The following ZNF570 variants were observed in gnomAD, a reference collection of about 807,000 sequenced individuals.
ZNF570 encodes the protein zinc finger protein 570.
In ZNF570, 8 loss-of-function variants were observed where a neutral mutation model predicts 14.2. That is an observed-to-expected ratio of 0.56 (90% CI 0.33 to 1.02). The LOEUF is 1.02. ZNF570 is among the 50% of genes least tolerant of loss of function. The pLI, the probability that ZNF570 is intolerant of heterozygous loss-of-function variation, is 0.03. For missense variants in ZNF570, 559 were observed against 624.9 expected (o/e 0.89, Z 1.12); for synonymous variants, 202 against 207.6 (o/e 0.97, Z 0.23).
Position 37,487,171 on chromosome 19 carries a change from C to G in ZNF570, c.*1938C>G, listed in dbSNP as rs2042163618. On this transcript the variant is annotated 3_prime_UTR_variant, in exon 5 of 5. Transcript: ENST00000330173. ...GAGCTGAGATCGTGCTACTGCACCC[C>G]AGCCTGGGCAATACAGCAAGACTCC... The G allele has an allele frequency of 1.4e-5, 2 of 141,698 alleles. No homozygotes were observed. Among genetic ancestry groups the G allele is most frequent in the Non-Finnish European group, 3.0e-5 (2 of 66,332 alleles). The allele number at this position is 141,698 out of a possible 1,614,324, so 8.8% of individuals were successfully genotyped here.
chr19:37,469,218 C>T, upstream of ZNF570: 4 of 1,315,934 alleles, frequency 3.0e-6, no homozygotes, highest in South Asian at 3.5e-5. Context: ...GTTACAAACC[C>T]TGCGCGGAGC....
At chr19:37,468,269 A>G (rs2041885486), upstream of ZNF570, among the ~76,000 whole-genome samples, 1 of 151,728 alleles carries the variant, frequency 6.6e-6, no homozygotes, top group African/African-American at 2.4e-5. Context: ...TTTGTTTGTT[A>G]GTAGAGATAA....
rs1344113358 is a variant in ZNF570 at position 37,484,198 on chromosome 19, T to C, written c.576T>C (p.His192=). Residue 192 remains histidine (H), a synonymous_variant, in exon 5 of 5, where the codon CAT becomes CAC. Transcript: ENST00000330173. ...CCAAAGAGGAGAAAGTACATAAACA[T>C]GACACACAAAAGAGAAGCTTTAAAA... The part of the protein sequence containing the change: ...IIPKEEKVHK[H]DTQKRSFKKN... 6.2e-7 allele frequency: 1 copy of C among 1,613,850 alleles called. No individual in the cohort carries two copies. The highest frequency in any genetic ancestry group is 8.5e-7 in the Non-Finnish European group (1 of 1,180,000).
At position 37,487,736 on chromosome 19, in the gene ZNF570, T is replaced by G. The variant is rs1432755370; in HGVS notation, c.*2503T>G. On this transcript the variant is annotated 3_prime_UTR_variant, in exon 5 of 5. Transcript: ENST00000330173. Reference sequence around the variant, plus strand: ...GTTGTTTTTGTTTTTGTTTTGCCCTTTAGCTTCACAGGTTTGTTCTGAAAT... The same window carrying G: ...GTTGTTTTTGTTTTTGTTTTGCCCTGTAGCTTCACAGGTTTGTTCTGAAAT... 1 of 152,176 alleles carries G rather than the reference T, an allele frequency of 6.6e-6. No homozygotes were observed. The highest frequency in any genetic ancestry group is 1.5e-5 in the Non-Finnish European group (1 of 68,026). 9.4% of individuals were successfully genotyped at this position (152,176 alleles called of 1,614,324 possible).
chr19:37,480,066 A>G (rs1315037282), intron 4 of ZNF570, among the ~76,000 whole-genome samples: 2 of 152,070 alleles, frequency 1.3e-5, no homozygotes, highest in African/African-American at 2.4e-5. Flanking sequence ...GTTTTTCTCC[A>G]TCTCCTAATT....
chr19:37,476,533 A>C, intron 4 of ZNF570, 99 bp downstream of exon 4: 1 of 1,400,382 alleles, frequency 7.1e-7, no homozygotes, highest in Non-Finnish European at 9.4e-7. Context: ...AATTCTTCTC[A>C]AATGTTCTAG....
chr19:37,484,076 A>C lies in ZNF570; in HGVS notation c.454A>C (p.Thr152Pro). 1 of 1,614,110 alleles carries C rather than the reference A, an allele frequency of 6.2e-7. No homozygotes were observed. The highest frequency in any genetic ancestry group is 8.5e-7 in the Non-Finnish European group (1 of 1,180,006). The part of the protein sequence containing the change: ...QKACFKEEII[T>P]HEEPLFDERE... ...GGCGTGTTTCAAGGAAGAGATAATC[A>C]CTCATGAAGAACCCCTTTTTGATGA... The change falls in exon 5 of 5, where the codon ACT (threonine) becomes CCT (proline). Residue 152 changes from threonine to proline, a missense_variant. Physicochemically the swap from Thr to Pro is conservative, Grantham distance 38. Transcript: ENST00000330173.
At chr19:37,471,216 T>C (rs530313813) in intron 2 of ZNF570, among the ~76,000 whole-genome samples, 7 of 151,682 alleles carry the variant, frequency 4.6e-5, no homozygotes, top group Non-Finnish European at 8.8e-5. Flanking sequence ...GATTTCACCA[T>C]GTTAGCCAGG....
chr19:37,476,573 A>C, intron 4 of ZNF570, 139 bp downstream of exon 4: 1 of 1,222,206 alleles, frequency 8.2e-7, no homozygotes, highest in Non-Finnish European at 1.1e-6. Context: ...GCCATTTAGG[A>C]TGTTCTCCCA....
At position 37,484,828 on chromosome 19, in the gene ZNF570, T is replaced by C. The variant is rs1318528321; in HGVS notation, c.1206T>C (p.Ala402=). 2.5e-6 allele frequency: 4 copies of C among 1,613,826 alleles called. No homozygotes were observed. The highest frequency in any genetic ancestry group is 3.4e-6 in the Non-Finnish European group (4 of 1,179,954). The stretch of plus-strand genomic sequence containing the variant: ...CCTTTAGCCAGAATTCACACCTTGC[T>C]CAACATCAGAGAATTCATACTGGAG... ...GKAFSQNSHL[A]QHQRIHTGEK... is the part of the protein sequence containing the mutation. Residue 402 remains alanine, a synonymous_variant, in exon 5 of 5, where the codon GCT becomes GCC. Transcript: ENST00000330173.
chr19:37,486,924 C>A lies in ZNF570; in HGVS notation c.*1691C>A, dbSNP rs1357513907. On this transcript the variant is annotated 3_prime_UTR_variant, in exon 5 of 5. Transcript: ENST00000330173. ...CCCTTAAATAGGCACCACACCCTGGCCAGGTGCAGTAGCTCATTCCTGTAA... is the reference window on the plus strand; with the variant it reads ...CCCTTAAATAGGCACCACACCCTGGACAGGTGCAGTAGCTCATTCCTGTAA... 2 of 152,254 alleles carry A rather than the reference C, an allele frequency of 1.3e-5. No individual in the cohort carries two copies. Among genetic ancestry groups the A allele is most frequent in the Admixed American group, 6.5e-5 (1 of 15,298 alleles). The allele number at this position is 152,254 out of a possible 1,614,324, so 9.4% of individuals were successfully genotyped here. A position where few individuals can be genotyped will look rare whatever the true frequency, so the allele number is the denominator to read the frequency against.
intron 4 of ZNF570, among the ~76,000 whole-genome samples, chr19:37,477,306 T>C (rs2042038163): frequency 6.7e-6 from 1 of 149,956 alleles, no homozygotes; most frequent in African/African-American, 2.5e-5. Context: ...TGTGTGTGTG[T>C]GTGTGTGTGT....
At chr19:37,481,114 T>C (rs1355975426) in intron 4 of ZNF570, among the ~76,000 whole-genome samples, 1 of 152,140 alleles carries the variant, frequency 6.6e-6, no homozygotes, top group Non-Finnish European at 1.5e-5. Flanking sequence ...AGTTTTGCTG[T>C]CATGCATAGA....
At chr19:37,469,232 A>G (rs2146997427), upstream of ZNF570, 1 of 1,361,704 alleles carries the variant, frequency 7.3e-7, no homozygotes, top group Non-Finnish European at 9.5e-7. Flanking sequence ...GCGGAGCTGC[A>G]CCGCTGCTGC....
Position 37,469,554 on chromosome 19 carries a change from G to A in ZNF570, c.-55G>A. 6.5e-7 allele frequency: 1 copy of A among 1,536,406 alleles called. No homozygotes were observed. The highest frequency in any genetic ancestry group is 1.2e-5 in the South Asian group (1 of 84,062). On this transcript the variant is annotated 5_prime_UTR_variant, in exon 1 of 5. Coordinates refer to ENST00000330173, the MANE Select transcript of ZNF570 (RefSeq NM_144694.5). ...CCATCTGTGTGACTCCGGTGCGAGT[G>A]GAGGTTGGTACCGTTCAGTGCGAGG...
In ZNF570 at chr19:37,481,437, G is replaced by A. The variant is rs150375241; in HGVS notation, c.257-2442G>A. ...CAAAGTGCTGGGATTACAGGCGTGA[G>A]CCATTGTGCCCGGTGACAGATTATT... On this transcript the variant is annotated intron_variant, in intron 4 of 4. Coordinates refer to ENST00000330173, the MANE Select transcript of ZNF570 (RefSeq NM_144694.5). Among the ~76,000 whole-genome samples the A allele has an allele frequency of 6.7e-3, 1,014 of 152,346 alleles. 13 individuals carry two copies. Among genetic ancestry groups the A allele is most frequent in the African/African-American group, 0.023 (943 of 41,586 alleles).
At chr19:37,475,817 C>G (rs2042016741) in intron 2 of ZNF570, 64 bp from the exon 3 acceptor site, 10 of 1,505,300 alleles carry the variant, frequency 6.6e-6, no homozygotes, top group Non-Finnish European at 9.0e-6. Context: ...CCCAGTGTGC[C>G]TAGGGCAGAG....
chr19:37,474,367 G>A (rs1030654512), intron 2 of ZNF570, among the ~76,000 whole-genome samples: 21 of 152,302 alleles, frequency 1.4e-4, no homozygotes, highest in African/African-American at 5.1e-4. Context: ...GGAGCAGAGA[G>A]GGAGAGATTT....
Position 37,483,975 on chromosome 19 carries a change from A to G in ZNF570, c.353A>G (p.Tyr118Cys). The G allele has an allele frequency of 6.2e-7, 1 of 1,614,016 alleles. No homozygotes were observed. ...SQKIIETLTS[Y>C]NLEYSSLREE... ...AAGATAATAGAAACACTTACAAGCT[A>G]TAACCTTGAATACTCCAGTTTGAGA... Residue 118 changes from tyrosine (Y) to cysteine (C), a missense_variant, in exon 5 of 5, where the codon TAT becomes TGT. Transcript: ENST00000330173.
Sources: allele counts gnomAD v4.1 joint callset (sites outside exome capture counted in the v4.1 genomes callset), GRCh38; gene constraint gnomAD v4.1.1; transcripts MANE v1.5; gene names NCBI Gene and HGNC (gene_info 2026-07-23, HGNC 2026-07-21).